Variants in PNKD observed in about 807,000 individuals in gnomAD.
PNKD encodes the protein PNKD metallo-beta-lactamase domain containing.
In PNKD, 36 loss-of-function variants were observed where a neutral mutation model predicts 45.3. That is an observed-to-expected ratio of 0.80 (90% CI 0.61 to 1.05). The LOEUF (loss-of-function observed/expected upper bound fraction) is 1.05. Among genes scored for constraint, PNKD ranks in the 50% least tolerant of loss-of-function variants. The probability of loss-of-function intolerance (pLI) is 0.00; values close to 1 mark genes in which losing one functional copy is unlikely to be tolerated. For missense variants in PNKD, 511 were observed against 506.6 expected, an observed-to-expected ratio of 1.01 and a Z score of -0.08; for synonymous variants, 197 against 210.1, an observed-to-expected ratio of 0.94 and a Z score of 0.54.
At position 218,275,534 on chromosome 2, in the gene PNKD, A is replaced by G. The variant is rs200810695; in HGVS notation, c.236+3985A>G. 1.1e-4 allele frequency: 173 copies of G among 1,614,078 alleles called. No homozygotes were observed. The highest frequency in any genetic ancestry group is 1.3e-4 in the Admixed American group (8 of 60,004). On this transcript the variant is annotated intron_variant, in intron 2 of 9. Transcript: ENST00000273077. ...GTGAAGATGTAGATGATGTCTGTGT[A>G]AATCTGCAGGGCGCCAGTGATGTAG...
intron 2 of PNKD, among the ~76,000 whole-genome samples, chr2:218,336,877 G>A (rs1342337983): frequency 1.6e-5 from 2 of 121,646 alleles, no homozygotes; most frequent in South Asian, 2.9e-4. Flanking sequence ...TTGGCTCACC[G>A]CAACCTCCGC....
chr2:218,343,633 C>CGTGGGG, intron 8 of PNKD, 47 bp downstream of exon 8: 4 of 1,460,030 alleles, frequency 2.7e-6, no homozygotes, highest in Non-Finnish European at 3.8e-6. Flanking sequence ...CCACGCTCAG[C>CGTGGGG]CTGGGACAAG....
At chr2:218,313,903 C>CTT (rs10550174) in intron 2 of PNKD, among the ~76,000 whole-genome samples, 29 of 77,702 alleles carry the variant, frequency 3.7e-4, no homozygotes, top group African/African-American at 6.2e-4. Flanking sequence ...TTCTTTATTT[C>CTT]TTTTTTTTTT....
chr2:218,329,372 C>T (rs1260812675), intron 2 of PNKD, among the ~76,000 whole-genome samples: 1 of 152,202 alleles, frequency 6.6e-6, no homozygotes, highest in Non-Finnish European at 1.5e-5. Flanking sequence ...AGGGGAAAGC[C>T]ACAAGAAACA....
intron 2 of PNKD, chr2:218,279,689 A>C (rs1691668895): frequency 4.1e-6 from 2 of 491,604 alleles, no homozygotes; most frequent in Non-Finnish European, 7.3e-6. Flanking sequence ...AGGGTGGGTT[A>C]CAAGCGAGTA....
chr2:218,280,017 G>A (rs375219103), intron 2 of PNKD: 108 of 1,612,432 alleles, frequency 6.7e-5, no homozygotes, highest in Middle Eastern at 1.6e-4. Context: ...CTCCCAGCGC[G>A]TATCTTACCT....
intron 2 of PNKD, among the ~76,000 whole-genome samples, chr2:218,303,182 C>A (rs1177702011): frequency 6.6e-6 from 1 of 152,156 alleles, no homozygotes; most frequent in Non-Finnish European, 1.5e-5. Flanking sequence ...CCTCAGTGAT[C>A]TGCCCACCTT....
At chr2:218,329,077 C>T (rs927665305) in intron 2 of PNKD, among the ~76,000 whole-genome samples, 1 of 152,060 alleles carries the variant, frequency 6.6e-6, no homozygotes, top group African/African-American at 2.4e-5. Context: ...GGCATGGTCA[C>T]GCACCCCTGT....
At chr2:218,312,775 AG>A (rs1693655775) in intron 2 of PNKD, among the ~76,000 whole-genome samples, 1 of 151,944 alleles carries the variant, frequency 6.6e-6, no homozygotes, top group Non-Finnish European at 1.5e-5. Flanking sequence ...TGGGAGGCTG[AG>A]GCACAAGAAT....
At chr2:218,277,352 C>T in intron 2 of PNKD, 6 of 1,611,730 alleles carry the variant, frequency 3.7e-6, no homozygotes, top group Non-Finnish European at 5.1e-6. Context: ...GGGAAGGGCC[C>T]TCCATGCCCT....
chr2:218,343,585 T>C lies in PNKD; in HGVS notation c.867T>C (p.Pro289=), dbSNP rs1193128858. Residue 289 remains proline, a splice_region_variant and synonymous_variant, in exon 8 of 10, where the codon CCT becomes CCC. Transcript: ENST00000273077. Reference sequence around the variant, plus strand: ...TAGGGGATGACACCCTTCTGTGGCCTGGTGAGACACCCCCTTACTACTCCC... The same window carrying C: ...TAGGGGATGACACCCTTCTGTGGCCCGGTGAGACACCCCCTTACTACTCCC... ...LGLGDDTLLW[P]GHEYAEENLG... 2 of 1,610,006 alleles carry C rather than the reference T, an allele frequency of 1.2e-6. No individual in the cohort carries two copies. Among genetic ancestry groups the C allele is most frequent in the Admixed American group, 3.4e-5 (2 of 59,650 alleles).
Position 218,344,857 on chromosome 2 carries a change from C to G in PNKD, c.1034C>G (p.Thr345Ser). ...EERSYNPFLR[T>S]HCLALQEALG... ...CGCTCCTACAACCCGTTCCTGAGAA[C>G]CCACTGCCTGGCGCTACAGGAGGCT... Residue 345 changes from threonine to serine, a missense_variant, in exon 10 of 10, where the codon ACC (threonine) becomes AGC (serine). By Grantham distance (58) the Thr-to-Ser change is moderately conservative. Coordinates refer to ENST00000273077, the MANE Select transcript of PNKD (RefSeq NM_015488.5). 1 of 1,614,012 alleles carries G rather than the reference C, an allele frequency of 6.2e-7. No homozygotes were observed. The highest frequency in any genetic ancestry group is 8.5e-7 in the Non-Finnish European group (1 of 1,179,856).
chr2:218,307,200 C>T (rs534446421), intron 2 of PNKD, among the ~76,000 whole-genome samples: 1 of 152,070 alleles, frequency 6.6e-6, no homozygotes, highest in South Asian at 2.1e-4. Context: ...CACCAGGGAC[C>T]AGTTTCATGG....
intron 2 of PNKD, chr2:218,277,778 T>A: frequency 1.3e-6 from 2 of 1,552,048 alleles, no homozygotes; most frequent in Non-Finnish European, 1.8e-6. Flanking sequence ...CGCCACCAAG[T>A]TGGAAAGAGG....
intron 2 of PNKD, among the ~76,000 whole-genome samples, chr2:218,309,283 G>A (rs1693523373): frequency 6.6e-6 from 1 of 151,520 alleles, no homozygotes; most frequent in Non-Finnish European, 1.5e-5. Flanking sequence ...GCCGGGCGTG[G>A]TGGTGCATGC....
intron 2 of PNKD, among the ~76,000 whole-genome samples, chr2:218,312,594 C>G (rs572053455): frequency 6.6e-6 from 1 of 151,706 alleles, no homozygotes; most frequent in African/African-American, 2.4e-5. Flanking sequence ...AAACCTGGGC[C>G]GGGAGGGATG....
At chr2:218,280,672 G>A (rs1397358015) in intron 2 of PNKD, 2 of 155,812 alleles carry the variant, frequency 1.3e-5, no homozygotes, top group African/African-American at 4.8e-5. Flanking sequence ...CCCCTCTGGG[G>A]TTCAGAGATG....
intron 8 of PNKD, among the ~76,000 whole-genome samples, chr2:218,344,238 G>GT (rs1325653006): frequency 6.6e-6 from 1 of 152,174 alleles, no homozygotes; most frequent in Non-Finnish European, 1.5e-5. Context: ...AGGTCTAGTG[G>GT]TTTTTTCCCC....
intron 2 of PNKD, among the ~76,000 whole-genome samples, chr2:218,285,100 A>G (rs1156307750): frequency 6.6e-6 from 1 of 152,196 alleles, no homozygotes. Context: ...GAAGAAAATA[A>G]AAAAGAAAAT....
Sources: allele counts gnomAD v4.1 joint callset (sites outside exome capture counted in the v4.1 genomes callset), GRCh38; gene constraint gnomAD v4.1.1; transcripts MANE v1.5; gene names NCBI Gene and HGNC (gene_info 2026-07-23, HGNC 2026-07-21).